Variants in NUP98 observed in about 807,000 individuals in gnomAD.
The protein encoded by NUP98 is nucleoporin 98 and 96 precursor, also known as nuclear pore complex protein Nup98-Nup96.
A neutral mutation model predicts 191.9 loss-of-function variants in NUP98; 26 were observed. The observed-to-expected ratio is 0.14, with a 90% CI of 0.10 to 0.19. NUP98 has a LOEUF of 0.19. Among genes scored for constraint, NUP98 ranks in the 10% least tolerant of loss-of-function variants. NUP98 has a pLI of 1.00. For missense variants in NUP98, 1,941 were observed against 2,178.8 expected, an observed-to-expected ratio of 0.89 and a Z score of 2.17; for synonymous variants, 808 against 778.4, an observed-to-expected ratio of 1.04 and a Z score of -0.63.
rs1589994476 is a variant in NUP98 at position 3,705,342 on chromosome 11, T to C, written c.2940A>G (p.Ser980=). 1.9e-6 allele frequency: 3 copies of C among 1,614,044 alleles called. No homozygotes were observed. Among genetic ancestry groups the C allele is most frequent in the African/African-American group, 1.3e-5 (1 of 74,934 alleles). ...CTACATCTTCTTCATCAGTAAGCAA[T>C]GATGCTTTCATGATCTAAAAAGGCA... ...NPHVLQIMKA[S]LLTDEEDVDM... is the part of the protein sequence containing the mutation. Residue 980 remains serine, a synonymous_variant, in exon 22 of 33, where the codon TCA becomes TCG. Coordinates refer to ENST00000324932, the MANE Select transcript of NUP98 (RefSeq NM_016320.5).
intron 18 of NUP98, among the ~76,000 whole-genome samples, chr11:3,716,744 T>A (rs2079197690): frequency 6.6e-6 from 1 of 152,020 alleles, no homozygotes; most frequent in Admixed American, 6.6e-5. Flanking sequence ...GTTTTATTTC[T>A]GGGCTCTCTA....
chr11:3,773,643 T>C lies in NUP98; in HGVS notation c.592A>G (p.Lys198Glu). 1 of 1,599,966 alleles carries C rather than the reference T, an allele frequency of 6.3e-7. No individual in the cohort carries two copies. Among genetic ancestry groups the C allele is most frequent in the Non-Finnish European group, 8.6e-7 (1 of 1,168,470 alleles). ...TGTATTTTACTGACCTCTAGTGACT[T>C]GCTTTCATATTCTTTCATAGCAGTA... ...CITAMKEYES[K>E]SLEELRLEDY... The change falls in exon 6 of 33, where the codon AAG (lysine) becomes GAG (glutamate). Residue 198 changes from lysine to glutamate, a missense_variant. Transcript: ENST00000324932.
At chr11:3,769,296 C>G (rs2081439715) in intron 7 of NUP98, among the ~76,000 whole-genome samples, 1 of 152,068 alleles carries the variant, frequency 6.6e-6, no homozygotes, top group Non-Finnish European at 1.5e-5. Flanking sequence ...GCTAATGGCA[C>G]TTGCCTGTGG....
In NUP98 at chr11:3,744,542, T is replaced by C. The variant is rs1162649061; in HGVS notation, c.1375A>G (p.Thr459Ala). 2 of 1,613,562 alleles carry C rather than the reference T, an allele frequency of 1.2e-6. No homozygotes were observed. The highest frequency in any genetic ancestry group is 1.7e-6 in the Non-Finnish European group (2 of 1,179,788). ...GCCTGGGGGGCTCCAAAGCCCAAAG[T>C]GGCTGTCGTAGTATTAAATCCAGGG... is the stretch of plus-strand genomic sequence containing the variant. Reference protein sequence around the residue: ...GAPGFNTTTATLGFGAPQAPV... With the variant: ...GAPGFNTTTAALGFGAPQAPV... Residue 459 changes from threonine (T) to alanine (A), a missense_variant, in exon 12 of 33, where the codon ACT becomes GCT. Thr to Ala is a moderately conservative substitution (Grantham distance 58). This residue lies in a region of NUP98 where 453 missense variants were observed against 438.2 expected (regional missense o/e 1.03). Coordinates refer to ENST00000324932, the MANE Select transcript of NUP98 (RefSeq NM_016320.5).
chr11:3,750,976 T>C lies in NUP98; in HGVS notation c.1267+2340A>G, dbSNP rs373455876. Among the ~76,000 whole-genome samples, 19 of 152,280 alleles carry C rather than the reference T, an allele frequency of 1.2e-4. No homozygotes were observed. The South Asian group carries it at 1.9e-3, about 15-fold the overall frequency. On this transcript the variant is annotated intron_variant, in intron 11 of 32. Transcript: ENST00000324932. The stretch of plus-strand genomic sequence containing the variant: ...CTACTTCATTTTCTTCAAATGCTGA[T>C]TGCAGGCAACTATATTAATTATAAC...
At chr11:3,688,837 A>ATATATATATT (rs1292199695) in intron 28 of NUP98, among the ~76,000 whole-genome samples, 1 of 146,854 alleles carries the variant, frequency 6.8e-6, no homozygotes, top group East Asian at 2.0e-4. Flanking sequence ...ATATATATAT[A>ATATATATATT]TATATTTATA....
At chr11:3,743,175 T>G (rs1419317644) in intron 12 of NUP98, among the ~76,000 whole-genome samples, 1 of 151,634 alleles carries the variant, frequency 6.6e-6, no homozygotes, top group East Asian at 2.0e-4. Context: ...CATGCCATCA[T>G]GCCCAGCTAA....
At chr11:3,791,065 T>A (rs2082323504) in intron 1 of NUP98, among the ~76,000 whole-genome samples, 1 of 151,884 alleles carries the variant, frequency 6.6e-6, no homozygotes, top group Non-Finnish European at 1.5e-5. Context: ...CCAGCTAATT[T>A]TTTGTATTTT....
chr11:3,733,104 G>C (rs1391021744), intron 13 of NUP98, among the ~76,000 whole-genome samples: 1 of 152,132 alleles, frequency 6.6e-6, no homozygotes, highest in African/African-American at 2.4e-5. Flanking sequence ...ATAGTTTTTA[G>C]TATATTTACA....
chr11:3,699,053 C>A (rs766308855), intron 25 of NUP98, 29 bp downstream of exon 25: 7 of 1,607,450 alleles, frequency 4.4e-6, no homozygotes, highest in Admixed American at 3.3e-5. Context: ...GCGACAGAGG[C>A]GCAGAGAAGG....
rs79875888 is a variant in NUP98 at position 3,754,996 on chromosome 11, T to C, written c.1175-1588A>G. 4.4e-3 allele frequency among the ~76,000 whole-genome samples: 660 copies of C among 151,184 alleles called. 5 individuals are homozygous for C. The highest frequency in any genetic ancestry group is 0.015 in the African/African-American group (622 of 41,202). On this transcript the variant is annotated intron_variant, in intron 10 of 32. Coordinates refer to ENST00000324932, the MANE Select transcript of NUP98 (RefSeq NM_016320.5). Reference sequence around the variant, plus strand: ...GGTATCAAACAAAGATCCTATTCTGTACTGCTGCCATTACTTTTCTTTTCT... The same window carrying C: ...GGTATCAAACAAAGATCCTATTCTGCACTGCTGCCATTACTTTTCTTTTCT...
At chr11:3,696,855 G>A (rs181497439) in intron 25 of NUP98, 14 of 152,014 alleles carry the variant, frequency 9.2e-5, no homozygotes, top group East Asian at 3.9e-4. Context: ...AAGGGGGGGA[G>A]TAGTAAAGCA....
intron 1 of NUP98, among the ~76,000 whole-genome samples, chr11:3,796,687 C>G (rs982001617): frequency 3.3e-5 from 5 of 152,202 alleles, no homozygotes; most frequent in African/African-American, 1.2e-4. Flanking sequence ...TAGTAGAAAA[C>G]TGTTTAGACT....
Position 3,763,007 on chromosome 11 carries a change from A to C in NUP98, c.981T>G (p.Pro327=), listed in dbSNP as rs538575710. Residue 327 remains proline (P), a synonymous_variant, in exon 9 of 33, where the codon CCT becomes CCG. Coordinates refer to ENST00000324932, the MANE Select transcript of NUP98 (RefSeq NM_016320.5). ...GLFGVTQASQ[P]GGLFGTATNT... ...TTGTAGCTGTCCCAAAAAGACCTCC[A>C]GGCTGTGAGGCTTGGGTTACTCCAA... 7 of 1,614,134 alleles carry C rather than the reference A, an allele frequency of 4.3e-6. No homozygotes were observed. Among genetic ancestry groups the C allele is most frequent in the Non-Finnish European group, 5.9e-6 (7 of 1,180,016 alleles).
chr11:3,765,911 T>C (rs2081322936), intron 8 of NUP98, among the ~76,000 whole-genome samples: 1 of 152,024 alleles, frequency 6.6e-6, no homozygotes, highest in African/African-American at 2.4e-5. Flanking sequence ...CCCAGCACCA[T>C]ATGTTGAAAA....
chr11:3,686,656 A>C (rs2078142273), intron 28 of NUP98, among the ~76,000 whole-genome samples: 1 of 152,168 alleles, frequency 6.6e-6, no homozygotes, highest in African/African-American at 2.4e-5. Context: ...GCTTTAACAT[A>C]TGTAGACACC....
chr11:3,755,359 G>T (rs150674452), intron 10 of NUP98, among the ~76,000 whole-genome samples: 1 of 151,994 alleles, frequency 6.6e-6, no homozygotes, highest in Non-Finnish European at 1.5e-5. Context: ...AGCAATTTGG[G>T]AGGCTGACGC....
At chr11:3,718,648 G>A (rs1302715814) in intron 18 of NUP98, among the ~76,000 whole-genome samples, 1 of 152,148 alleles carries the variant, frequency 6.6e-6, no homozygotes, top group Non-Finnish European at 1.5e-5. Context: ...ATTTCTTCCT[G>A]ATTCAGGGTT....
chr11:3,774,771 A>G (rs2081654284), intron 5 of NUP98, among the ~76,000 whole-genome samples: 1 of 152,192 alleles, frequency 6.6e-6, no homozygotes. Flanking sequence ...AAAAGGCACA[A>G]TAAGTAAAAC....
Sources: gnomAD v4.1 joint callset for allele counts (sites outside exome capture counted in the v4.1 genomes callset) on GRCh38, gnomAD v4.1.1 for gene constraint, gnomAD v4.1.1 regional missense constraint, MANE v1.5 for transcripts, NCBI Gene and HGNC (gene_info 2026-07-23, HGNC 2026-07-21) for gene names.